The following PDE8B variants were observed in gnomAD, a reference collection of about 807,000 sequenced individuals.
PDE8B encodes phosphodiesterase 8B, also known as high affinity cAMP-specific and IBMX-insensitive 3',5'-cyclic phosphodiesterase 8B.
A neutral mutation model predicts 101.3 loss-of-function variants in PDE8B; 26 were observed. The observed-to-expected ratio is 0.26, with a 90% confidence interval of 0.19 to 0.36. The LOEUF (loss-of-function observed/expected upper bound fraction) is 0.36, where lower values mean the gene tolerates loss of function less well. Ranked by LOEUF, PDE8B falls within the 10% of genes least tolerant of loss-of-function variation. The pLI, the probability that PDE8B is intolerant of heterozygous loss-of-function variation, is 1.00. For missense variants in PDE8B, 810 were observed against 1,163.1 expected (o/e 0.70, Z 4.42); for synonymous variants, 424 against 429.3 (o/e 0.99, Z 0.15).
In PDE8B at chr5:77,408,935, A is replaced by G; in HGVS notation, c.1408A>G (p.Thr470Ala). 6.2e-7 allele frequency: 1 copy of G among 1,613,552 alleles called. No homozygotes were observed. Among genetic ancestry groups the G allele is most frequent in the Non-Finnish European group, 8.5e-7 (1 of 1,179,454 alleles). ...INAAQENSPV[T>A]VAEALDRVLE... is the part of the protein sequence containing the mutation. The stretch of plus-strand genomic sequence containing the variant: ...TGCAGCCCAAGAAAACAGCCCAGTC[A>G]CAGTAGCGGAAGCCTTGGACAGAGT... The change falls in exon 14 of 22, where the codon ACA becomes GCA. Residue 470 changes from threonine (T) to alanine (A), a missense_variant. Physicochemically the swap from Thr to Ala is moderately conservative, Grantham distance 58 (BLOSUM62 0). Coordinates refer to ENST00000264917, the MANE Select transcript of PDE8B (RefSeq NM_003719.5).
At chr5:77,288,763 G>A (rs1042389292) in intron 1 of PDE8B, among the ~76,000 whole-genome samples, 1 of 151,926 alleles carries the variant, frequency 6.6e-6, no homozygotes, top group Admixed American at 6.6e-5. Flanking sequence ...ACCACACAGC[G>A]AGGTAATATG....
At chr5:77,233,220 CT>C (rs1029790936) in intron 1 of PDE8B, among the ~76,000 whole-genome samples, 1 of 152,084 alleles carries the variant, frequency 6.6e-6, no homozygotes, top group Non-Finnish European at 1.5e-5. Flanking sequence ...CCTTTATGAC[CT>C]CTCACTCTGC....
At chr5:77,099,425 A>C in the PDE8B span, among the ~76,000 whole-genome samples, 1 of 152,170 alleles carries the variant, frequency 6.6e-6, no homozygotes, top group Admixed American at 6.5e-5. Flanking sequence ...AGTAATAAAC[A>C]AGAGAATAGA....
At chr5:77,268,842 G>A (rs931292313) in intron 1 of PDE8B, among the ~76,000 whole-genome samples, 1 of 150,248 alleles carries the variant, frequency 6.7e-6, no homozygotes, top group African/African-American at 2.4e-5. Context: ...ATAAAGAAAT[G>A]TGGTAACATT....
chr5:77,416,684 G>A (rs1364455492), intron 17 of PDE8B, among the ~76,000 whole-genome samples: 1 of 152,230 alleles, frequency 6.6e-6, no homozygotes, highest in Non-Finnish European at 1.5e-5. Context: ...GGTGGAGACA[G>A]AGCTTTCAGG....
chr5:77,324,783 T>A lies in PDE8B; in HGVS notation c.400-756T>A, dbSNP rs1434388214. On this transcript the variant is annotated intron_variant, in intron 2 of 21. Transcript: ENST00000264917. ...TGGCCTCCAGGGACTTAAAGGCAAA[T>A]ACCACTTGCAACTGGAATCAAATAT... 3.3e-5 allele frequency among the ~76,000 whole-genome samples: 5 copies of A among 152,222 alleles called. No homozygotes were observed. The South Asian group carries it at 1.0e-3, about 31-fold the overall frequency.
At chr5:77,369,789 C>A (rs1343741932) in intron 10 of PDE8B, among the ~76,000 whole-genome samples, 1 of 152,192 alleles carries the variant, frequency 6.6e-6, no homozygotes, top group Non-Finnish European at 1.5e-5. Context: ...TGGCACAGGC[C>A]ACTCACAACA....
chr5:77,171,892 A>G, the PDE8B span, among the ~76,000 whole-genome samples: 1 of 152,160 alleles, frequency 6.6e-6, no homozygotes. Context: ...CCATTGATGA[A>G]TTCCCCACAG....
intron 1 of PDE8B, among the ~76,000 whole-genome samples, chr5:77,248,015 A>G (rs1757318739): frequency 1.3e-5 from 2 of 152,254 alleles, no homozygotes; most frequent in African/African-American, 2.4e-5. Flanking sequence ...TGGATCTATT[A>G]TAACAGCACG....
At chr5:77,396,994 A>G (rs1791193851) in intron 10 of PDE8B, among the ~76,000 whole-genome samples, 1 of 138,298 alleles carries the variant, frequency 7.2e-6, no homozygotes, top group Non-Finnish European at 1.6e-5. Context: ...ACTAAAAGGC[A>G]TTTGAGTTGG....
the PDE8B span, chr5:77,113,098 A>G: frequency 1.3e-5 from 2 of 152,208 alleles, no homozygotes; most frequent in Non-Finnish European, 2.9e-5. Context: ...TGCCCAAGGT[A>G]ATTTATAGAT....
At chr5:77,361,926 C>A (rs77550958) in intron 10 of PDE8B, among the ~76,000 whole-genome samples, 18,744 of 152,154 alleles carry the variant, frequency 0.12, 1,325 homozygotes, top group East Asian at 0.26. Context: ...GTCAAAAAAA[C>A]CAGCAAAAGC....
chr5:77,351,940 ATTG>A (rs1781205978), intron 9 of PDE8B, among the ~76,000 whole-genome samples: 2 of 152,182 alleles, frequency 1.3e-5, no homozygotes, highest in Non-Finnish European at 2.9e-5. Flanking sequence ...TTCCTTGCAA[ATTG>A]TTGTATGAAT....
intron 9 of PDE8B, among the ~76,000 whole-genome samples, chr5:77,352,572 T>C (rs1470577980): frequency 2.0e-5 from 3 of 152,128 alleles, no homozygotes; most frequent in African/African-American, 7.2e-5. Context: ...CCTAGTTGGG[T>C]GAAGTTTATT....
At chr5:77,420,480 A>G (rs1263610997) in intron 19 of PDE8B, among the ~76,000 whole-genome samples, 1 of 152,122 alleles carries the variant, frequency 6.6e-6, no homozygotes, top group African/African-American at 2.4e-5. Context: ...CTCTGAAGCC[A>G]TGAAGCTGTT....
chr5:77,109,307 A>G, the PDE8B span, among the ~76,000 whole-genome samples: 1 of 152,040 alleles, frequency 6.6e-6, no homozygotes, highest in African/African-American at 2.4e-5. Context: ...GGTTATTATT[A>G]CTCTTGTTTT....
chr5:77,372,693 A>G (rs1785272421), intron 10 of PDE8B, among the ~76,000 whole-genome samples: 4 of 152,124 alleles, frequency 2.6e-5, no homozygotes, highest in Admixed American at 6.5e-5. Context: ...AGGCTATCAA[A>G]TTTTTTGGCA....
intron 10 of PDE8B, among the ~76,000 whole-genome samples, chr5:77,397,692 T>A (rs996141983): frequency 8.5e-5 from 13 of 152,224 alleles, no homozygotes; most frequent in Non-Finnish European, 1.8e-4. Context: ...TATTACTGGC[T>A]TTAAGGAACA....
At chr5:77,299,273 T>TTTATTA (rs140712806) in intron 1 of PDE8B, among the ~76,000 whole-genome samples, 1 of 149,642 alleles carries the variant, frequency 6.7e-6, no homozygotes, top group African/African-American at 2.4e-5. Flanking sequence ...TTTGTTTTAT[T>TTTATTA]TTATTATTAT....
Sources: allele counts gnomAD v4.1 joint callset (sites outside exome capture counted in the v4.1 genomes callset), GRCh38; gene constraint gnomAD v4.1.1; transcripts MANE v1.5; gene names NCBI Gene and HGNC (gene_info 2026-07-23, HGNC 2026-07-21).